CPED1: variants seen among roughly 807,000 people sequenced by gnomAD.
CPED1 encodes cadherin-like and PC-esterase domain-containing protein 1.
Under a neutral mutation model 128.2 loss-of-function variants are expected in CPED1, and 114 were observed. The observed-to-expected ratio is 0.89, with a 90% CI of 0.76 to 1.04. CPED1 has a LOEUF of 1.04. CPED1 is among the 50% of genes least tolerant of loss of function. CPED1 has a pLI of 0.00. For missense variants in CPED1, 1,211 were observed against 1,207.1 expected, an observed-to-expected ratio of 1.00 and a Z score of -0.05; for synonymous variants, 462 against 426.7, an observed-to-expected ratio of 1.08 and a Z score of -1.02.
intron 22 of CPED1, among the ~76,000 whole-genome samples, chr7:121,294,802 T>C (rs1360081007): frequency 1.7e-5 from 2 of 117,676 alleles, no homozygotes; most frequent in African/African-American, 6.9e-5. Flanking sequence ...TTTAGCCTTC[T>C]AAGCAAAAAA....
intron 5 of CPED1, among the ~76,000 whole-genome samples, chr7:121,082,224 A>G (rs1794311866): frequency 6.6e-6 from 1 of 152,210 alleles, no homozygotes; most frequent in African/African-American, 2.4e-5. Flanking sequence ...TTATAGAGTT[A>G]TGAAAATGCT....
intron 22 of CPED1, among the ~76,000 whole-genome samples, chr7:121,289,802 ATTATT>A (rs1403830626): frequency 3.9e-5 from 6 of 152,024 alleles, no homozygotes; most frequent in East Asian, 3.8e-4. Flanking sequence ...TTATTCTTTT[ATTATT>A]TTATTTATTT....
intron 7 of CPED1, among the ~76,000 whole-genome samples, chr7:121,116,898 A>G (rs1166415194): frequency 6.6e-6 from 1 of 151,184 alleles, no homozygotes; most frequent in Non-Finnish European, 1.5e-5. Flanking sequence ...ACATAGTGTC[A>G]GCTTGGCTAA....
chr7:120,991,472 AG>A (rs1796308227), intron 2 of CPED1, among the ~76,000 whole-genome samples: 1 of 152,242 alleles, frequency 6.6e-6, no homozygotes, highest in East Asian at 1.9e-4. Context: ...ACATTGAGAA[AG>A]GCAATTTCTT....
intron 22 of CPED1, among the ~76,000 whole-genome samples, chr7:121,283,062 T>C (rs1253019784): frequency 1.3e-5 from 2 of 152,214 alleles, no homozygotes; most frequent in African/African-American, 4.8e-5. Flanking sequence ...AAAATAAGTA[T>C]ATACAATAAA....
chr7:121,241,196 A>T, intron 17 of CPED1, among the ~76,000 whole-genome samples: 1 of 98,946 alleles, frequency 1.0e-5, no homozygotes. Flanking sequence ...ACAAAAAAAA[A>T]AATTAGCCGG....
chr7:121,033,163 T>C (rs117250854), intron 3 of CPED1, among the ~76,000 whole-genome samples: 114 of 152,330 alleles, frequency 7.5e-4, no homozygotes, highest in Non-Finnish European at 1.4e-3. Context: ...TGAGGTCCTC[T>C]CTTTTTCTTA....
chr7:121,289,387 C>G (rs1792646016), intron 22 of CPED1, among the ~76,000 whole-genome samples: 1 of 151,954 alleles, frequency 6.6e-6, no homozygotes, highest in Non-Finnish European at 1.5e-5. Context: ...AAAATCAAGC[C>G]CAAAGTTACA....
chr7:121,087,557 C>G (rs532171477), intron 5 of CPED1, among the ~76,000 whole-genome samples: 1 of 152,184 alleles, frequency 6.6e-6, no homozygotes, highest in African/African-American at 2.4e-5. Context: ...TGAATTATCT[C>G]TACTACTTAC....
At chr7:121,041,576 A>C (rs974051449) in intron 3 of CPED1, among the ~76,000 whole-genome samples, 3 of 152,116 alleles carry the variant, frequency 2.0e-5, no homozygotes. Flanking sequence ...CTCTGGATTA[A>C]ATTACGGATC....
At chr7:121,237,589 G>A (rs1022705347) in intron 17 of CPED1, among the ~76,000 whole-genome samples, 58 of 152,150 alleles carry the variant, frequency 3.8e-4, no homozygotes, top group African/African-American at 1.4e-3. Flanking sequence ...GGAGATGTTG[G>A]GGTCAAGCCA....
At position 121,297,205 on chromosome 7, in the gene CPED1, T is replaced by A. The variant is rs2116801530; in HGVS notation, c.*1553T>A. 6.6e-6 allele frequency: 1 copy of A among 152,122 alleles called. No homozygotes were observed. The highest frequency in any genetic ancestry group is 2.1e-4 in the South Asian group (1 of 4,818). The allele number at this position is 152,122 out of a possible 1,614,324, so 9.4% of individuals were successfully genotyped here. ...CTTAAATGCAAACATCATTTTTAAA[T>A]TTTCAGTGATTTTTTTAATGACATA... On this transcript the variant is annotated 3_prime_UTR_variant, in exon 23 of 23. Transcript: ENST00000310396.
intron 4 of CPED1, among the ~76,000 whole-genome samples, chr7:121,063,381 GA>G (rs368502123): frequency 6.0e-3 from 402 of 67,036 alleles, no homozygotes; most frequent in African/African-American, 0.021. Context: ...TGAAGAAACT[GA>G]AAAAAAAAAA....
chr7:121,156,617 A>C (rs561867844), intron 16 of CPED1, among the ~76,000 whole-genome samples: 21 of 152,336 alleles, frequency 1.4e-4, no homozygotes, highest in Non-Finnish European at 2.5e-4. Context: ...TCACGTTCAT[A>C]TATGTGAGCT....
intron 16 of CPED1, among the ~76,000 whole-genome samples, chr7:121,215,766 G>A (rs772980473): frequency 6.6e-6 from 1 of 151,926 alleles, no homozygotes; most frequent in Non-Finnish European, 1.5e-5. Context: ...TAAGATTCAA[G>A]GATTATTGTG....
intron 16 of CPED1, 112 bp downstream of exon 16, chr7:121,142,253 C>A (rs967492089): frequency 9.2e-6 from 9 of 976,576 alleles, no homozygotes; most frequent in Non-Finnish European, 1.4e-5. Context: ...GAAATCGAAA[C>A]TGTGGTCTCA....
chr7:121,053,481 G>T (rs541368812), intron 4 of CPED1, among the ~76,000 whole-genome samples: 22 of 152,162 alleles, frequency 1.4e-4, no homozygotes, highest in Non-Finnish European at 2.8e-4. Flanking sequence ...ATATCAAGGG[G>T]CATATGATGT....
In CPED1 at chr7:121,291,274, T is replaced by C. The variant is rs140991086; in HGVS notation, c.2869-4166T>C. Among the ~76,000 whole-genome samples, 1,320 of 152,306 alleles carry C rather than the reference T, an allele frequency of 8.7e-3. 31 individuals carry two copies. Among genetic ancestry groups the C allele is most frequent in the African/African-American group, 0.03 (1,244 of 41,552 alleles). ...TTTGTTCTTTTTGCTTAGGATTGTC[T>C]TGGTTATACGGGCTTCTTTTGGTTT... On this transcript the variant is annotated intron_variant, in intron 22 of 22. Transcript: ENST00000310396.
At chr7:121,235,117 GA>G (rs1798222486) in intron 16 of CPED1, among the ~76,000 whole-genome samples, 2 of 151,972 alleles carry the variant, frequency 1.3e-5, no homozygotes, top group African/African-American at 4.8e-5. Context: ...TTTGCAAAAT[GA>G]ATCATGACAC....
Sources: allele counts gnomAD v4.1 joint callset (sites outside exome capture counted in the v4.1 genomes callset), GRCh38; gene constraint gnomAD v4.1.1; transcripts MANE v1.5; gene names NCBI Gene and HGNC (gene_info 2026-07-23, HGNC 2026-07-21).